MYL11: variants seen among roughly 807,000 people sequenced by gnomAD.
The protein encoded by MYL11 is myosin regulatory light chain 11.
the MYL11 span, among the ~76,000 whole-genome samples, chr16:30,371,947 C>T: frequency 6.6e-6 from 1 of 152,156 alleles, no homozygotes; most frequent in Non-Finnish European, 1.5e-5. Flanking sequence ...TAGCATCCAC[C>T]ATCCTGGAAT....
At chr16:30,375,734 C>A in the MYL11 span, 2 of 1,149,498 alleles carry the variant, frequency 1.7e-6, no homozygotes, top group South Asian at 1.4e-5. Flanking sequence ...AACAGGGACT[C>A]GAAGAATTCT....
the MYL11 span, among the ~76,000 whole-genome samples, chr16:30,373,361 C>CGA: frequency 6.6e-6 from 1 of 152,034 alleles, no homozygotes; most frequent in Non-Finnish European, 1.5e-5. Context: ...TTTGGGAGGC[C>CGA]GAGGCAGGCA....
At chr16:30,374,648 G>A in the MYL11 span, 2 of 555,420 alleles carry the variant, frequency 3.6e-6, no homozygotes, top group African/African-American at 1.9e-5. Flanking sequence ...CTCCCCGCTG[G>A]GCTCCAGCTG....
At chr16:30,377,783 C>T in the MYL11 span, 2 of 1,613,566 alleles carry the variant, frequency 1.2e-6, no homozygotes, top group Non-Finnish European at 1.7e-6. Flanking sequence ...GACGCCCCTA[C>T]GTCTTTCCCC....
the MYL11 span, among the ~76,000 whole-genome samples, chr16:30,375,666 C>T: frequency 7.9e-5 from 12 of 152,010 alleles, no homozygotes; most frequent in Non-Finnish European, 1.5e-5. Flanking sequence ...TCAAAGCAAG[C>T]CCCCTCAGCA....
At chr16:30,372,715 A>G in the MYL11 span, among the ~76,000 whole-genome samples, 1 of 147,378 alleles carries the variant, frequency 6.8e-6, no homozygotes, top group Non-Finnish European at 1.5e-5. Flanking sequence ...TACCCAGAGA[A>G]AATATTCTAG....
chr16:30,377,922 G>A, the MYL11 span: 1 of 1,592,756 alleles, frequency 6.3e-7, no homozygotes, highest in African/African-American at 1.3e-5. Flanking sequence ...GGCCTCCGCT[G>A]CCCGACGCTT....
the MYL11 span, among the ~76,000 whole-genome samples, chr16:30,375,240 T>G: frequency 6.6e-6 from 1 of 152,028 alleles, no homozygotes; most frequent in East Asian, 1.9e-4. Context: ...CCAAGGTGGT[T>G]GGATCACTTG....
At chr16:30,376,795 T>C in the MYL11 span, 1 of 1,249,422 alleles carries the variant, frequency 8.0e-7, no homozygotes, top group Non-Finnish European at 1.1e-6. Context: ...GGCTGGGCCC[T>C]GTGGCTCAGG....
chr16:30,377,076 G>C, the MYL11 span, among the ~76,000 whole-genome samples: 1 of 152,148 alleles, frequency 6.6e-6, no homozygotes, highest in Admixed American at 6.6e-5. Flanking sequence ...AGCTGGGCGT[G>C]GTGGCGGGCG....
chr16:30,376,546 G>C, the MYL11 span: 1 of 1,613,870 alleles, frequency 6.2e-7, no homozygotes, highest in East Asian at 2.2e-5. Flanking sequence ...AGTGTCCTGG[G>C]TCCAAGGCCC....
the MYL11 span, among the ~76,000 whole-genome samples, chr16:30,376,908 C>G: frequency 2.0e-5 from 3 of 152,072 alleles, no homozygotes; most frequent in Non-Finnish European, 1.5e-5. Context: ...TTTCTAAAAA[C>G]TTAACTAAAA....
At chr16:30,373,463 A>G in the MYL11 span, among the ~76,000 whole-genome samples, 1 of 152,118 alleles carries the variant, frequency 6.6e-6, no homozygotes, top group Non-Finnish European at 1.5e-5. Context: ...GGGCGTGGTG[A>G]CACGCGCCTG....
the MYL11 span, chr16:30,377,733 G>C: frequency 4.4e-6 from 7 of 1,574,934 alleles, no homozygotes; most frequent in African/African-American, 6.7e-5. Flanking sequence ...GGCCGGAGCA[G>C]CAAAGGGGCT....
chr16:30,376,613 C>T, the MYL11 span: 11 of 1,614,160 alleles, frequency 6.8e-6, no homozygotes, highest in South Asian at 7.7e-5. Context: ...CCCTCTGACC[C>T]CCACAGGTGC....
At chr16:30,376,615 C>T in the MYL11 span, 2 of 1,614,156 alleles carry the variant, frequency 1.2e-6, no homozygotes. Flanking sequence ...CTCTGACCCC[C>T]ACAGGTGCCG....
chr16:30,375,345 A>C, the MYL11 span, among the ~76,000 whole-genome samples: 2 of 152,024 alleles, frequency 1.3e-5, no homozygotes, highest in African/African-American at 4.8e-5. Flanking sequence ...CATGCCTGTA[A>C]TCCCAGCTAC....
the MYL11 span, chr16:30,375,994 A>C: frequency 6.6e-7 from 1 of 1,518,606 alleles, no homozygotes; most frequent in African/African-American, 1.4e-5. Context: ...ACCTGCTTGA[A>C]GGAGGGGAAA....
the MYL11 span, chr16:30,372,481 C>T: frequency 6.6e-6 from 1 of 152,110 alleles, no homozygotes; most frequent in Non-Finnish European, 1.5e-5. Flanking sequence ...TTGGGGCTTC[C>T]TCAGCCACTA....
Sources: gnomAD v4.1 joint callset for allele counts (sites outside exome capture counted in the v4.1 genomes callset) on GRCh38, gnomAD v4.1.1 for gene constraint, MANE v1.5 for transcripts, NCBI Gene and HGNC (gene_info 2026-07-23, HGNC 2026-07-21) for gene names.